B9D2: variants seen among roughly 807,000 people sequenced by gnomAD.
The protein encoded by B9D2 is B9 domain-containing protein 2.
Under a neutral mutation model 19.2 loss-of-function variants are expected in B9D2, and 21 were observed. The observed-to-expected ratio is 1.09, with a 90% CI of 0.78 to 1.58. The LOEUF is 1.58. Ranked by LOEUF, B9D2 falls within the 40% of genes most tolerant of loss-of-function variation. B9D2 has a pLI of 0.00. For missense variants in B9D2, 221 were observed against 244.3 expected, an observed-to-expected ratio of 0.90 and a Z score of 0.64; for synonymous variants, 91 against 100.6, an observed-to-expected ratio of 0.90 and a Z score of 0.57.
At chr19:41,363,574 C>T in intron 1 of B9D2, 51 bp from the exon 2 acceptor site, 1 of 1,470,762 alleles carries the variant, frequency 6.8e-7, no homozygotes, top group Admixed American at 1.9e-5. Flanking sequence ...TGTATTATCT[C>T]CATTTGACGG....
Position 41,354,556 on chromosome 19 carries a change from C to G in B9D2, c.*144G>C. 2 of 1,132,836 alleles carry G rather than the reference C, an allele frequency of 1.8e-6. No homozygotes were observed. The highest frequency in any genetic ancestry group is 2.6e-6 in the Non-Finnish European group (2 of 777,796). The allele number at this position is 1,132,836 out of a possible 1,614,324, so 70.2% of individuals were successfully genotyped here. On this transcript the variant is annotated 3_prime_UTR_variant, in exon 4 of 4. Coordinates refer to ENST00000243578, the MANE Select transcript of B9D2 (RefSeq NM_030578.4). ...CTGGGCCCAGAGGGACCCCGAGGTCCTAGAAAGGACAGAAGCGGTGCCATG... is the reference window on the plus strand; with the variant it reads ...CTGGGCCCAGAGGGACCCCGAGGTCGTAGAAAGGACAGAAGCGGTGCCATG...
intron 2 of B9D2, among the ~76,000 whole-genome samples, chr19:41,359,912 C>T (rs1020698846): frequency 6.6e-6 from 1 of 152,014 alleles, no homozygotes; most frequent in African/African-American, 2.4e-5. Flanking sequence ...CACTCTCCCC[C>T]TCCCTCATCA....
At chr19:41,357,659 C>G (rs868182709) in intron 3 of B9D2, among the ~76,000 whole-genome samples, 1 of 151,832 alleles carries the variant, frequency 6.6e-6, no homozygotes, top group Non-Finnish European at 1.5e-5. Context: ...CCTGACCCCC[C>G]ACCTTCCCAC....
chr19:41,354,967 G>A lies in B9D2; in HGVS notation c.261C>T (p.Gly87=), dbSNP rs778936312. 26 of 1,610,252 alleles carry A rather than the reference G, an allele frequency of 1.6e-5. No homozygotes were observed. The highest frequency in any genetic ancestry group is 1.7e-5 in the Admixed American group (1 of 59,686). The change falls in exon 4 of 4, where the codon GGC becomes GGT. Residue 87 remains glycine, a synonymous_variant. Coordinates refer to ENST00000243578, the MANE Select transcript of B9D2 (RefSeq NM_030578.4). ...ATCCATAGCCTGCAAGCTGGCAGCG[G>A]CCAAAGCTGTCCTGGGACCACACCT... ...HFQVWSQDSF[G]RCQLAGYGFC...
At chr19:41,360,378 T>C (rs1182193193) in intron 2 of B9D2, among the ~76,000 whole-genome samples, 1 of 152,212 alleles carries the variant, frequency 6.6e-6, no homozygotes, top group Non-Finnish European at 1.5e-5. Flanking sequence ...GGTCTCACTA[T>C]GTTGCCCAGG....
chr19:41,354,897 G>A lies in B9D2; in HGVS notation c.331C>T (p.Pro111Ser), dbSNP rs774497603. 1 of 1,613,552 alleles carries A rather than the reference G, an allele frequency of 6.2e-7. No individual in the cohort carries two copies. The highest frequency in any genetic ancestry group is 8.5e-7 in the Non-Finnish European group (1 of 1,179,904). ...SSPGTHQLAC[P>S]TWRPLGSWRE... is the part of the protein sequence containing the mutation. Reference sequence around the variant, plus strand: ...CAACTGCCCAGGGGCCGCCACGTGGGGCAGGCCAGCTGGTGGGTGCCCGGG... The same window carrying A: ...CAACTGCCCAGGGGCCGCCACGTGGAGCAGGCCAGCTGGTGGGTGCCCGGG... Residue 111 changes from proline to serine, a missense_variant, in exon 4 of 4, where the codon CCC becomes TCC. Coordinates refer to ENST00000243578, the MANE Select transcript of B9D2 (RefSeq NM_030578.4).
chr19:41,354,518 A>T lies in B9D2; in HGVS notation c.*182T>A. ...CCCATACATTTACTGTCCCCAATTT[A>T]CAGATAGGGAAACTGGGCCCAGAGG... On this transcript the variant is annotated 3_prime_UTR_variant, in exon 4 of 4. Coordinates refer to ENST00000243578, the MANE Select transcript of B9D2 (RefSeq NM_030578.4). The T allele has an allele frequency of 1.3e-6, 1 of 759,060 alleles. No homozygotes were observed. Among genetic ancestry groups the T allele is most frequent in the Non-Finnish European group, 2.2e-6 (1 of 457,778 alleles). The allele number at this position is 759,060 out of a possible 1,614,324, so 47.0% of individuals were successfully genotyped here. A position where few individuals can be genotyped will look rare whatever the true frequency, so the allele number is the denominator to read the frequency against.
chr19:41,354,795 C>A lies in B9D2; in HGVS notation c.433G>T (p.Asp145Tyr). 6.2e-7 allele frequency: 1 copy of A among 1,614,010 alleles called. No individual in the cohort carries two copies. The highest frequency in any genetic ancestry group is 8.5e-7 in the Non-Finnish European group (1 of 1,180,034). ...GCAGCTGTGTGCAGGCGATAGCGGT[C>A]GGCCCCACTGTAGATGGTGTCCCCA... is the stretch of plus-strand genomic sequence containing the variant. ...LHGDTIYSGA[D>Y]RYRLHTAAGG... Residue 145 changes from aspartate (D) to tyrosine (Y), a missense_variant, in exon 4 of 4, where the codon GAC (aspartate) becomes TAC (tyrosine). Coordinates refer to ENST00000243578, the MANE Select transcript of B9D2 (RefSeq NM_030578.4).
In B9D2 at chr19:41,359,441, G is replaced by A. The variant is rs533220040; in HGVS notation, c.89-1419C>T. On this transcript the variant is annotated intron_variant, in intron 2 of 3. Coordinates refer to ENST00000243578, the MANE Select transcript of B9D2 (RefSeq NM_030578.4). ...CACACACACCCACAAAATTAGCCAC[G>A]TCTGTAATCCCAGCACTTTGGGAGA... 2.6e-5 allele frequency among the ~76,000 whole-genome samples: 4 copies of A among 151,880 alleles called. No individual in the cohort carries two copies. The South Asian group carries it at 8.3e-4, about 32-fold the overall frequency.
At chr19:41,363,216 A>C in intron 2 of B9D2, 1 of 595,694 alleles carries the variant, frequency 1.7e-6, no homozygotes, top group Non-Finnish European at 3.0e-6. Flanking sequence ...ACCTTACTCC[A>C]GCCCGGGCGC....
In B9D2 at chr19:41,363,443, C is replaced by T. The variant is rs776841750; in HGVS notation, c.77G>A (p.Gly26Asp). The change falls in exon 2 of 4, where the codon GGC (glycine) becomes GAC (aspartate). Residue 26 changes from glycine to aspartate, a missense_variant. Gly to Asp is a moderately conservative substitution (Grantham distance 94). Coordinates refer to ENST00000243578, the MANE Select transcript of B9D2 (RefSeq NM_030578.4). Reference sequence around the variant, plus strand: ...GCTTGGGGGAATACCTGTGTGAATGCCCCACTTGCAGAAGAGGCTACTTTC... The same window carrying T: ...GCTTGGGGGAATACCTGTGTGAATGTCCCACTTGCAGAAGAGGCTACTTTC... ...FSESSLFCKWGIHTGAAWKLL... is the reference protein window; with the variant it reads ...FSESSLFCKWDIHTGAAWKLL... 1.2e-6 allele frequency: 2 copies of T among 1,614,066 alleles called. No individual in the cohort carries two copies.
chr19:41,358,680 C>T (rs1199475706), intron 2 of B9D2, among the ~76,000 whole-genome samples: 3 of 152,232 alleles, frequency 2.0e-5, no homozygotes, highest in East Asian at 3.9e-4. Flanking sequence ...ATAACAATTT[C>T]GATCCTACTG....
chr19:41,358,501 A>T (rs1311145101), intron 2 of B9D2, among the ~76,000 whole-genome samples: 1 of 151,844 alleles, frequency 6.6e-6, no homozygotes. Context: ...TCCCATGATA[A>T]CCCACTAATC....
At chr19:41,357,811 G>T in intron 3 of B9D2, 86 bp downstream of exon 3, 1 of 1,574,754 alleles carries the variant, frequency 6.4e-7, no homozygotes, top group Admixed American at 1.7e-5. Flanking sequence ...AGCAGGGACA[G>T]GTCTTGGTGT....
chr19:41,357,840 C>T, intron 3 of B9D2, 57 bp downstream of exon 3: 2 of 1,608,296 alleles, frequency 1.2e-6, no homozygotes, highest in Non-Finnish European at 1.7e-6. Flanking sequence ...CCAGGGACCT[C>T]AGAGGCTACT....
intron 2 of B9D2, among the ~76,000 whole-genome samples, chr19:41,362,371 CAAAAAAAAAAAAAAAA>C (rs777325237): frequency 1.7e-5 from 1 of 58,382 alleles, no homozygotes; most frequent in Non-Finnish European, 3.0e-5. Flanking sequence ...GAACGAGTCT[CAAAAAAAAAAAAAAAA>C]AAAAAAAAGG....
chr19:41,363,452 C>A lies in B9D2; in HGVS notation c.68G>T (p.Cys23Phe). ...AATACCTGTGTGAATGCCCCACTTG[C>A]AGAAGAGGCTACTTTCCGAGAAACC... ...ASGFSESSLF[C>F]KWGIHTGAAW... is the part of the protein sequence containing the mutation. Residue 23 changes from cysteine (C) to phenylalanine (F), a missense_variant, in exon 2 of 4, where the codon TGC (cysteine) becomes TTC (phenylalanine). Coordinates refer to ENST00000243578, the MANE Select transcript of B9D2 (RefSeq NM_030578.4). 6.2e-7 allele frequency: 1 copy of A among 1,614,120 alleles called. No individual in the cohort carries two copies. Among genetic ancestry groups the A allele is most frequent in the African/African-American group, 1.3e-5 (1 of 75,024 alleles).
chr19:41,356,973 C>T (rs1013258147), intron 3 of B9D2, among the ~76,000 whole-genome samples: 1 of 152,132 alleles, frequency 6.6e-6, no homozygotes, highest in Non-Finnish European at 1.5e-5. Flanking sequence ...CCCCTTCTGC[C>T]TTTCCCCTCT....
chr19:41,360,761 G>A (rs544745086), intron 2 of B9D2, among the ~76,000 whole-genome samples: 4 of 152,018 alleles, frequency 2.6e-5, no homozygotes, highest in South Asian at 2.1e-4. Context: ...TGCCCGCCTC[G>A]GACTCCCAAA....
Sources: gnomAD v4.1 joint callset for allele counts (sites outside exome capture counted in the v4.1 genomes callset) on GRCh38, gnomAD v4.1.1 for gene constraint, MANE v1.5 for transcripts, NCBI Gene and HGNC (gene_info 2026-07-23, HGNC 2026-07-21) for gene names.